Variants in MBD5 observed in about 807,000 individuals in gnomAD.
MBD5 encodes methyl-CpG-binding domain protein 5.
In MBD5, 13 loss-of-function variants were observed where a neutral mutation model predicts 117.3. That is an observed-to-expected ratio of 0.11 (90% CI 0.07 to 0.18). The LOEUF (loss-of-function observed/expected upper bound fraction) is 0.18. Among genes scored for constraint, MBD5 ranks in the 10% least tolerant of loss-of-function variants. MBD5 has a pLI of 1.00. For synonymous variants in MBD5, 727 were observed against 766.4 expected, an observed-to-expected ratio of 0.95 and a Z score of 0.85; for missense variants, 1,879 against 2,093.8, an observed-to-expected ratio of 0.90 and a Z score of 2.00.
chr2:148,336,284 A>T (rs1404503110), intron 3 of MBD5, among the ~76,000 whole-genome samples: 2 of 152,200 alleles, frequency 1.3e-5, no homozygotes, highest in Non-Finnish European at 2.9e-5. Context: ...TAACATTTCC[A>T]CAGATAAATT....
At chr2:148,040,368 A>G (rs1252538479) in intron 1 of MBD5, among the ~76,000 whole-genome samples, 1 of 152,124 alleles carries the variant, frequency 6.6e-6, no homozygotes, top group Non-Finnish European at 1.5e-5. Flanking sequence ...CCCTACTGGT[A>G]GATAATATCT....
At chr2:148,260,787 G>A (rs35749985) in intron 3 of MBD5, 72,118 of 152,942 alleles carry the variant, frequency 0.47, 17,289 homozygotes, top group East Asian at 0.71. Context: ...ATGCATCAAG[G>A]AAACACTGTG....
chr2:148,195,717 T>A (rs1327120183), intron 2 of MBD5, among the ~76,000 whole-genome samples: 2 of 152,098 alleles, frequency 1.3e-5, no homozygotes, highest in African/African-American at 4.8e-5. Context: ...CAAAACAGAA[T>A]TAAGTTATAA....
chr2:148,223,239 T>G (rs1042495769), intron 2 of MBD5, among the ~76,000 whole-genome samples: 5 of 152,120 alleles, frequency 3.3e-5, no homozygotes, highest in Non-Finnish European at 7.4e-5. Flanking sequence ...TTTTTTAATG[T>G]GTATTTGTCT....
chr2:148,027,834 T>C (rs1359955222), intron 1 of MBD5: 1 of 152,132 alleles, frequency 6.6e-6, no homozygotes, highest in Non-Finnish European at 1.5e-5. Context: ...ATCTGTTATA[T>C]ATTAGAAAAG....
At chr2:148,195,920 A>G (rs998138626) in intron 2 of MBD5, among the ~76,000 whole-genome samples, 2 of 152,216 alleles carry the variant, frequency 1.3e-5, no homozygotes, top group South Asian at 2.1e-4. Context: ...TTTTAAAAAT[A>G]AAAGCAAATT....
intron 4 of MBD5, among the ~76,000 whole-genome samples, chr2:148,422,766 G>A (rs1705648461): frequency 6.6e-6 from 1 of 152,128 alleles, no homozygotes; most frequent in Admixed American, 6.5e-5. Context: ...GAAAAACACA[G>A]CACGAGAACT....
chr2:148,119,582 C>G (rs1696718719), intron 1 of MBD5, among the ~76,000 whole-genome samples: 1 of 152,006 alleles, frequency 6.6e-6, no homozygotes, highest in Non-Finnish European at 1.5e-5. Context: ...CTTTGCCTAA[C>G]CTAAGGTCAC....
At chr2:148,062,011 A>G (rs534905260) in intron 1 of MBD5, 1 of 150,814 alleles carries the variant, frequency 6.6e-6, no homozygotes, top group East Asian at 1.9e-4. Flanking sequence ...TTTTTTATTC[A>G]TAAATATGTA....
At chr2:148,446,740 T>A (rs2105446973) in intron 4 of MBD5, among the ~76,000 whole-genome samples, 1 of 151,842 alleles carries the variant, frequency 6.6e-6, no homozygotes, top group South Asian at 2.1e-4. Context: ...GCCATGGAGG[T>A]AGAACAAAAT....
intron 1 of MBD5, among the ~76,000 whole-genome samples, chr2:148,115,594 G>A (rs1488041587): frequency 6.6e-6 from 1 of 151,964 alleles, no homozygotes; most frequent in Admixed American, 6.6e-5. Flanking sequence ...CTTTTGGATA[G>A]TTTATGTTTT....
chr2:148,345,182 G>A (rs925092774), intron 4 of MBD5, among the ~76,000 whole-genome samples: 13 of 149,762 alleles, frequency 8.7e-5, no homozygotes, highest in African/African-American at 2.5e-4. Context: ...ATATATATAT[G>A]TGTGTGTGTG....
chr2:148,482,425 TAAA>T (rs1017093254), intron 8 of MBD5, among the ~76,000 whole-genome samples: 1 of 151,848 alleles, frequency 6.6e-6, no homozygotes, highest in African/African-American at 2.4e-5. Context: ...TATTGATAAA[TAAA>T]AAAGCTACAA....
intron 1 of MBD5, among the ~76,000 whole-genome samples, chr2:148,035,144 T>C (rs1359566553): frequency 6.6e-6 from 1 of 152,040 alleles, no homozygotes; most frequent in East Asian, 1.9e-4. Context: ...TAATAGCATC[T>C]ACTACCATAG....
At chr2:148,255,728 C>A (rs188194633) in intron 3 of MBD5, among the ~76,000 whole-genome samples, 1 of 152,326 alleles carries the variant, frequency 6.6e-6, no homozygotes, top group Non-Finnish European at 1.5e-5. Flanking sequence ...AGCACCAGGT[C>A]CAGCCTGGAA....
intron 3 of MBD5, among the ~76,000 whole-genome samples, chr2:148,268,999 G>T (rs907268745): frequency 6.6e-6 from 1 of 151,796 alleles, no homozygotes; most frequent in African/African-American, 2.4e-5. Flanking sequence ...AAGTGAGATT[G>T]GTTTTCAGGT....
At chr2:148,365,186 C>G (rs1474061017) in intron 4 of MBD5, among the ~76,000 whole-genome samples, 1 of 152,196 alleles carries the variant, frequency 6.6e-6, no homozygotes, top group East Asian at 1.9e-4. Context: ...TTACAAAACT[C>G]ACTCAAAACC....
intron 1 of MBD5, among the ~76,000 whole-genome samples, chr2:148,128,187 C>T (rs1253267383): frequency 6.6e-6 from 1 of 152,086 alleles, no homozygotes; most frequent in Non-Finnish European, 1.5e-5. Context: ...GTTGTCTGTT[C>T]ACTCTGATAA....
intron 11 of MBD5, among the ~76,000 whole-genome samples, chr2:148,498,159 CTGTTA>C (rs1471925695): frequency 6.6e-6 from 1 of 152,192 alleles, no homozygotes; most frequent in Non-Finnish European, 1.5e-5. Context: ...GAGGTCAACT[CTGTTA>C]TAAGATCGAT....
Sources: gnomAD v4.1 joint callset for allele counts (sites outside exome capture counted in the v4.1 genomes callset) on GRCh38, gnomAD v4.1.1 for gene constraint, MANE v1.5 for transcripts, NCBI Gene and HGNC (gene_info 2026-07-23, HGNC 2026-07-21) for gene names.